Variants in NOX4 observed in about 807,000 individuals in gnomAD.
NOX4 encodes the protein kidney oxidase-1.
In NOX4, 69 loss-of-function variants were observed where a neutral mutation model predicts 87.6. The ratio of observed to expected loss-of-function variants is 0.79; its 90% CI spans 0.65 to 0.96. The LOEUF (loss-of-function observed/expected upper bound fraction) is 0.96. Ranked by LOEUF, NOX4 falls within the 40% of genes least tolerant of loss-of-function variation. The pLI is 0.00. For synonymous variants in NOX4, 275 were observed against 238.2 expected (o/e 1.15, Z -1.42); for missense variants, 680 against 681.5 (o/e 1.00, Z 0.02).
intron 11 of NOX4, among the ~76,000 whole-genome samples, chr11:89,396,819 C>T (rs1318113431): frequency 1.3e-5 from 2 of 152,100 alleles, no homozygotes; most frequent in Admixed American, 6.6e-5. Context: ...ATTCATAAAG[C>T]AAGTCCTTAG....
intron 2 of NOX4, among the ~76,000 whole-genome samples, chr11:89,467,125 G>A (rs1390030023): frequency 6.6e-6 from 1 of 151,902 alleles, no homozygotes; most frequent in Non-Finnish European, 1.5e-5. Flanking sequence ...AAGGCAGGCG[G>A]ATCACGAGAT....
chr11:89,543,221 AAAAT>A, the NOX4 span, among the ~76,000 whole-genome samples: 5 of 152,324 alleles, frequency 3.3e-5, no homozygotes, highest in Admixed American at 2.6e-4. Flanking sequence ...TTTTAAAGAA[AAAAT>A]AAATAAGCAA....
chr11:89,422,376 T>C (rs1189050374), intron 7 of NOX4, among the ~76,000 whole-genome samples: 5 of 152,176 alleles, frequency 3.3e-5, no homozygotes. Flanking sequence ...TCAATACATA[T>C]TTTGAGAGTA....
In NOX4 at chr11:89,360,225, G is replaced by GT. The variant is rs112445025; in HGVS notation, c.1136-5183dup. Among the ~76,000 whole-genome samples the GT allele has an allele frequency of 3.8e-3, 576 of 152,138 alleles. 4 individuals carry two copies. The highest frequency in any genetic ancestry group is 0.013 in the African/African-American group (544 of 41,548). ...TTAATGCAGGAAATATTATCAGAGA[G>GT]TATACATGAGAAAGGAGATACCAAA... On this transcript the variant is annotated intron_variant, in intron 12 of 17. Coordinates refer to ENST00000263317, the MANE Select transcript of NOX4 (RefSeq NM_016931.5).
intron 4 of NOX4, among the ~76,000 whole-genome samples, chr11:89,447,265 T>C: frequency 6.6e-6 from 1 of 152,264 alleles, no homozygotes; most frequent in South Asian, 2.1e-4. Flanking sequence ...TCATATTAAA[T>C]TAAAAGCTTA....
At chr11:89,573,892 C>T in the NOX4 span, among the ~76,000 whole-genome samples, 3 of 152,064 alleles carry the variant, frequency 2.0e-5, no homozygotes, top group African/African-American at 7.2e-5. Context: ...GGGAAGTGAG[C>T]ACGTGCACTG....
At chr11:89,543,135 A>G in the NOX4 span, among the ~76,000 whole-genome samples, 1 of 152,168 alleles carries the variant, frequency 6.6e-6, no homozygotes, top group Admixed American at 6.5e-5. Flanking sequence ...TACACTAAAA[A>G]CCTAGACATC....
At chr11:89,384,736 A>G (rs1940561902) in intron 11 of NOX4, among the ~76,000 whole-genome samples, 1 of 152,132 alleles carries the variant, frequency 6.6e-6, no homozygotes, top group Admixed American at 6.5e-5. Context: ...ACACACAGCC[A>G]AAGTACAGGG....
chr11:89,452,590 T>C (rs1945012174), intron 2 of NOX4, among the ~76,000 whole-genome samples: 1 of 152,158 alleles, frequency 6.6e-6, no homozygotes, highest in Admixed American at 6.6e-5. Context: ...TAATTGTATA[T>C]ATGTATGGGT....
Position 89,491,262 on chromosome 11 carries a change from G to A in NOX4, c.-16C>T. On this transcript the variant is annotated 5_prime_UTR_variant, in exon 1 of 18. Coordinates refer to ENST00000263317, the MANE Select transcript of NOX4 (RefSeq NM_016931.5). ...ACACAGCCATGCCGCCGGCCCCGCC[G>A]CGCTGCGCTCTGTGCCCGCCGGACC... 10 of 1,611,594 alleles carry A rather than the reference G, an allele frequency of 6.2e-6. No individual in the cohort carries two copies. Among genetic ancestry groups the A allele is most frequent in the East Asian group, 2.2e-5 (1 of 44,758 alleles).
At chr11:89,553,928 G>T in the NOX4 span, among the ~76,000 whole-genome samples, 3 of 149,158 alleles carry the variant, frequency 2.0e-5, no homozygotes, top group Admixed American at 1.3e-4. Flanking sequence ...TTGGAGGGAA[G>T]TGCCTACCCA....
chr11:89,455,718 TCATA>T (rs1945164568), intron 2 of NOX4, among the ~76,000 whole-genome samples: 1 of 49,248 alleles, frequency 2.0e-5, no homozygotes, highest in African/African-American at 1.3e-4. Context: ...GAAGATGAAG[TCATA>T]TATATATATA....
intron 4 of NOX4, among the ~76,000 whole-genome samples, chr11:89,445,341 A>T (rs1232775205): frequency 6.6e-6 from 1 of 150,996 alleles, no homozygotes; most frequent in Non-Finnish European, 1.5e-5. Context: ...TAAGGTACTC[A>T]CACACACACA....
chr11:89,486,599 T>C (rs1369066048), intron 2 of NOX4, among the ~76,000 whole-genome samples: 2 of 129,572 alleles, frequency 1.5e-5, no homozygotes, highest in East Asian at 2.1e-4. Flanking sequence ...TGTGTATATA[T>C]ACATATATAT....
At chr11:89,422,727 CT>C (rs1174324129) in intron 7 of NOX4, among the ~76,000 whole-genome samples, 1 of 151,922 alleles carries the variant, frequency 6.6e-6, no homozygotes, top group Non-Finnish European at 1.5e-5. Flanking sequence ...TTTACATTTA[CT>C]CCACTCATAG....
At chr11:89,556,321 G>A in the NOX4 span, among the ~76,000 whole-genome samples, 8 of 152,026 alleles carry the variant, frequency 5.3e-5, no homozygotes, top group African/African-American at 1.2e-4. Flanking sequence ...TCAGGAGTTC[G>A]AGACCAGCCT....
intron 2 of NOX4, among the ~76,000 whole-genome samples, chr11:89,470,641 T>C (rs1317119646): frequency 6.6e-6 from 1 of 152,122 alleles, no homozygotes; most frequent in Non-Finnish European, 1.5e-5. Flanking sequence ...TGGGATTGCC[T>C]CTGGAACAGC....
At chr11:89,583,104 G>C in the NOX4 span, among the ~76,000 whole-genome samples, 1 of 152,068 alleles carries the variant, frequency 6.6e-6, no homozygotes, top group Non-Finnish European at 1.5e-5. Flanking sequence ...ATATAGCATA[G>C]CAGTATAATT....
intron 2 of NOX4, among the ~76,000 whole-genome samples, chr11:89,489,179 T>C (rs574975416): frequency 6.6e-6 from 1 of 152,194 alleles, no homozygotes; most frequent in Non-Finnish European, 1.5e-5. Context: ...AGGCTTAATA[T>C]GTGCCAATCA....
Sources: allele counts gnomAD v4.1 joint callset (sites outside exome capture counted in the v4.1 genomes callset), GRCh38; gene constraint gnomAD v4.1.1; transcripts MANE v1.5; gene names NCBI Gene and HGNC (gene_info 2026-07-23, HGNC 2026-07-21).